The following ANO3 variants were observed in gnomAD, a reference collection of about 807,000 sequenced individuals.
ANO3 encodes the protein anoctamin-3.
In ANO3, 99 loss-of-function variants were observed where a neutral mutation model predicts 144.8. The ratio of observed to expected loss-of-function variants is 0.68; its 90% confidence interval spans 0.58 to 0.81. The LOEUF is 0.81. ANO3 is among the 30% of genes least tolerant of loss of function. The pLI is 0.00. For synonymous variants in ANO3, 414 were observed against 392.6 expected (o/e 1.05, Z -0.64); for missense variants, 905 against 1,202.2 (o/e 0.75, Z 3.66).
At chr11:26,594,474 C>T (rs1851550227) in intron 14 of ANO3, among the ~76,000 whole-genome samples, 3 of 152,168 alleles carry the variant, frequency 2.0e-5, no homozygotes, top group Non-Finnish European at 4.4e-5. Context: ...TCAATATAGC[C>T]ATCAAGGTTA....
intron 1 of ANO3, among the ~76,000 whole-genome samples, chr11:26,298,397 A>G (rs1231779979): frequency 2.0e-5 from 3 of 151,830 alleles, no homozygotes; most frequent in Admixed American, 2.0e-4. Flanking sequence ...TATATAAACT[A>G]GATTTTTTTC....
At chr11:26,651,399 T>C (rs1853527835) in intron 24 of ANO3, among the ~76,000 whole-genome samples, 1 of 152,122 alleles carries the variant, frequency 6.6e-6, no homozygotes, top group Admixed American at 6.6e-5. Context: ...AGTCAATACA[T>C]GAGACCAGAT....
At chr11:26,321,402 A>G (rs542770062) in intron 1 of ANO3, among the ~76,000 whole-genome samples, 1 of 152,082 alleles carries the variant, frequency 6.6e-6, no homozygotes, top group Non-Finnish European at 1.5e-5. Context: ...CTCTTATATT[A>G]AGTTCCCCTG....
intron 12 of ANO3, among the ~76,000 whole-genome samples, chr11:26,548,539 A>G (rs1045986150): frequency 2.0e-5 from 3 of 151,982 alleles, no homozygotes; most frequent in African/African-American, 7.2e-5. Context: ...TCATGAGATC[A>G]TAACAATTAA....
chr11:26,365,858 A>G (rs1204112532), intron 1 of ANO3, among the ~76,000 whole-genome samples: 1 of 151,638 alleles, frequency 6.6e-6, no homozygotes, highest in African/African-American at 2.4e-5. Flanking sequence ...CATTGTTTGG[A>G]TATTAGCGCT....
intron 4 of ANO3, among the ~76,000 whole-genome samples, chr11:26,468,609 T>A (rs1859680186): frequency 6.6e-6 from 1 of 152,000 alleles, no homozygotes; most frequent in Admixed American, 6.6e-5. Context: ...TGTAGTCTTC[T>A]ACAGCATACC....
intron 8 of ANO3, 60 bp downstream of exon 8, chr11:26,531,396 G>C: frequency 1.3e-6 from 2 of 1,517,460 alleles, no homozygotes; most frequent in Non-Finnish European, 1.8e-6. Flanking sequence ...CTTGTTTATA[G>C]AATAAAAACA....
At position 26,463,070 on chromosome 11, in the gene ANO3, C is replaced by T. The variant is rs771916231; in HGVS notation, c.354C>T (p.His118=). ...AGGATTACACGGATGAATCAGAACA[C>T]GCTACTTATGACCGATCTCGTCTCA... ...KDKDYTDESE[H]ATYDRSRLIN... is the part of the protein sequence containing the mutation. Residue 118 remains histidine (H), a synonymous_variant, in exon 4 of 27, where the codon CAC becomes CAT. Transcript: ENST00000256737. 37 of 1,596,384 alleles carry T rather than the reference C, an allele frequency of 2.3e-5. No individual in the cohort carries two copies. The highest frequency in any genetic ancestry group is 1.7e-4 in the Middle Eastern group (1 of 6,022).
intron 1 of ANO3, among the ~76,000 whole-genome samples, chr11:26,191,140 G>T (rs1244907814): frequency 6.6e-6 from 1 of 152,060 alleles, no homozygotes; most frequent in Non-Finnish European, 1.5e-5. Context: ...GCCAGGCGTG[G>T]TGGCACATGC....
intron 14 of ANO3, among the ~76,000 whole-genome samples, chr11:26,573,216 T>A (rs1251878083): frequency 6.6e-6 from 1 of 152,202 alleles, no homozygotes; most frequent in Non-Finnish European, 1.5e-5. Flanking sequence ...ATGCAAAGAA[T>A]CTGCCCAGTT....
intron 14 of ANO3, among the ~76,000 whole-genome samples, chr11:26,575,994 G>A (rs1850975748): frequency 6.6e-6 from 1 of 152,196 alleles, no homozygotes; most frequent in African/African-American, 2.4e-5. Flanking sequence ...TTGCTGACGT[G>A]ATCATAGTCC....
rs750012018 is a variant in ANO3 at position 26,662,674 on chromosome 11, T to C, written c.*2230T>C. ...AAATATTTTAATTTAAAAATTGTAA[T>C]ACATTGATTTATAAAATGCCTTCTC... On this transcript the variant is annotated 3_prime_UTR_variant, in exon 27 of 27. Transcript: ENST00000256737. The C allele has an allele frequency of 2.2e-4, 33 of 152,034 alleles. No individual in the cohort carries two copies. Among genetic ancestry groups the C allele is most frequent in the Non-Finnish European group, 3.5e-4 (24 of 67,980 alleles). The allele number at this position is 152,034 out of a possible 1,614,324, so 9.4% of individuals were successfully genotyped here. A position where few individuals can be genotyped will look rare whatever the true frequency, so the allele number is the denominator to read the frequency against.
intron 1 of ANO3, among the ~76,000 whole-genome samples, chr11:26,299,428 A>G (rs1854166845): frequency 1.3e-5 from 2 of 152,240 alleles, no homozygotes; most frequent in Admixed American, 6.5e-5. Flanking sequence ...AAAATGAATT[A>G]GAAATAGTAA....
intron 5 of ANO3, among the ~76,000 whole-genome samples, chr11:26,513,292 A>T (rs1219302884): frequency 3.3e-5 from 5 of 152,218 alleles, no homozygotes; most frequent in Non-Finnish European, 7.4e-5. Context: ...ACATTTAAAT[A>T]GGTCATCCTG....
At position 26,332,203 on chromosome 11, in the gene ANO3, TAG is replaced by T. The variant is rs1003289413; in HGVS notation, c.-70_-69del. ...CTGAGGCTCCGGACCTTGGAGCGTCTAGAGTCTGGCTACTGTTCCTCCGCCTC... is the reference window on the plus strand; with the variant it reads ...CTGAGGCTCCGGACCTTGGAGCGTCTAGTCTGGCTACTGTTCCTCCGCCTC... On this transcript the variant is annotated 5_prime_UTR_variant, in exon 1 of 27. Coordinates refer to ENST00000256737, the MANE Select transcript of ANO3 (RefSeq NM_031418.4). The T allele has an allele frequency of 1.2e-6, 2 of 1,613,644 alleles. No homozygotes were observed. The highest frequency in any genetic ancestry group is 2.7e-5 in the African/African-American group (2 of 74,882).
At chr11:26,584,419 A>C (rs138067245) in intron 14 of ANO3, among the ~76,000 whole-genome samples, 1 of 152,240 alleles carries the variant, frequency 6.6e-6, no homozygotes, top group South Asian at 2.1e-4. Flanking sequence ...TCACCCTCCC[A>C]AAGTGCTGGG....
intron 1 of ANO3, among the ~76,000 whole-genome samples, chr11:26,251,626 A>G (rs1028559190): frequency 1.3e-5 from 2 of 152,204 alleles, no homozygotes; most frequent in Non-Finnish European, 2.9e-5. Flanking sequence ...ACACTGCTAT[A>G]ACGAAATACC....
chr11:26,312,219 C>T (rs891227133), intron 1 of ANO3, among the ~76,000 whole-genome samples: 2 of 152,188 alleles, frequency 1.3e-5, no homozygotes, highest in African/African-American at 4.8e-5. Context: ...GTATATGTGC[C>T]ACATTTTCTT....
Position 26,602,730 on chromosome 11 carries a change from G to A in ANO3, c.1836+3016G>A, listed in dbSNP as rs148369655. 3.0e-4 allele frequency among the ~76,000 whole-genome samples: 41 copies of A among 137,202 alleles called. No homozygotes were observed. In the East Asian group the frequency reaches 8.3e-3, roughly 28 times the overall value. 90.0% of individuals were successfully genotyped at this position (137,202 alleles called of 152,430 possible). On this transcript the variant is annotated intron_variant, in intron 17 of 26. Coordinates refer to ENST00000256737, the MANE Select transcript of ANO3 (RefSeq NM_031418.4). Reference sequence around the variant, plus strand: ...CACCCCACTGTACTCCAGCCTGAATGACAACATGAGACCAAGTCTCAAAAA... The same window carrying A: ...CACCCCACTGTACTCCAGCCTGAATAACAACATGAGACCAAGTCTCAAAAA...
Sources: allele counts gnomAD v4.1 joint callset (sites outside exome capture counted in the v4.1 genomes callset), GRCh38; gene constraint gnomAD v4.1.1; transcripts MANE v1.5; gene names NCBI Gene and HGNC (gene_info 2026-07-23, HGNC 2026-07-21).